DENND4C: variants seen among roughly 807,000 people sequenced by gnomAD.
The protein encoded by DENND4C is DENN domain-containing protein 4C.
A neutral mutation model predicts 203.0 loss-of-function variants in DENND4C; 108 were observed. The ratio of observed to expected loss-of-function variants is 0.53; its 90% CI spans 0.46 to 0.62. The LOEUF (loss-of-function observed/expected upper bound fraction) is 0.62, where lower values mean the gene tolerates loss of function less well. Ranked by LOEUF, DENND4C falls within the 20% of genes least tolerant of loss-of-function variation. The pLI, the probability that DENND4C is intolerant of heterozygous loss-of-function variation, is 0.00. For synonymous variants in DENND4C, 871 were observed against 792.4 expected (o/e 1.10, Z -1.67); for missense variants, 2,481 against 2,301.2 (o/e 1.08, Z -1.60).
intron 1 of DENND4C, among the ~76,000 whole-genome samples, chr9:19,236,134 T>A (rs979096599): frequency 2.0e-4 from 30 of 152,094 alleles, no homozygotes; most frequent in Non-Finnish European, 4.4e-5. Flanking sequence ...AATCTTTTTT[T>A]AAATTATGGA....
intron 31 of DENND4C, among the ~76,000 whole-genome samples, chr9:19,370,779 A>G (rs1828685034): frequency 1.3e-5 from 2 of 152,318 alleles, no homozygotes; most frequent in South Asian, 4.1e-4. Flanking sequence ...CCCCTCCTCA[A>G]CATAAGTGAA....
Position 19,333,035 on chromosome 9 carries a change from A to AAT in DENND4C, c.2460+863_2460+864dup, listed in dbSNP as rs1554637747. On this transcript the variant is annotated intron_variant, in intron 17 of 32. Transcript: ENST00000434457. ...AAAATATATTTTTTATTTATATTTA[A>AAT]ATATATATATATACTCGTGCCCAAG... Among the ~76,000 whole-genome samples, 237 of 150,116 alleles carry AAT rather than the reference A, an allele frequency of 1.6e-3. 5 individuals carry two copies. The East Asian group carries it at 0.031, about 20-fold the overall frequency.
Position 19,334,961 on chromosome 9 carries a change from T to A in DENND4C, c.2461-16T>A. ...TAGTATACTAATTACTGACACTGAT[T>A]TTTTTTTTTTGTTAGGTGTGCTATC... is the stretch of plus-strand genomic sequence containing the variant. On this transcript the variant is annotated splice_polypyrimidine_tract_variant and intron_variant, in intron 17 of 32. Coordinates refer to ENST00000434457, the MANE Select transcript of DENND4C (RefSeq NM_001330640.2). The A allele has an allele frequency of 2.0e-6, 3 of 1,489,022 alleles. No homozygotes were observed. Among genetic ancestry groups the A allele is most frequent in the Non-Finnish European group, 2.7e-6 (3 of 1,103,616 alleles). The allele number at this position is 1,489,022 out of a possible 1,614,324, so 92.2% of individuals were successfully genotyped here.
intron 1 of DENND4C, among the ~76,000 whole-genome samples, chr9:19,257,103 T>C (rs1445956842): frequency 6.7e-6 from 1 of 148,192 alleles, no homozygotes. Context: ...TTGATCCAGG[T>C]GAGGTTTCAG....
At chr9:19,326,510 G>A (rs1369617310) in intron 15 of DENND4C, among the ~76,000 whole-genome samples, 1 of 152,074 alleles carries the variant, frequency 6.6e-6, no homozygotes, top group African/African-American at 2.4e-5. Flanking sequence ...CAAAGACTGT[G>A]AAATTCTTAT....
intron 5 of DENND4C, among the ~76,000 whole-genome samples, chr9:19,295,570 G>T (rs144028363): frequency 7.0e-4 from 106 of 151,574 alleles, no homozygotes; most frequent in African/African-American, 2.0e-3. Flanking sequence ...AGCTACTCGG[G>T]AGGCTGAAGC....
chr9:19,261,569 C>G (rs1305518904), intron 1 of DENND4C, among the ~76,000 whole-genome samples: 1 of 151,102 alleles, frequency 6.6e-6, no homozygotes. Flanking sequence ...GTGGCACAAT[C>G]ACGGCTCACT....
chr9:19,322,315 A>G (rs1215760536), intron 12 of DENND4C, among the ~76,000 whole-genome samples: 1 of 152,160 alleles, frequency 6.6e-6, no homozygotes, highest in Admixed American at 6.5e-5. Flanking sequence ...ATTCCTCCAG[A>G]GCTGGGTTAT....
chr9:19,368,847 TTTAC>T (rs1828214174), intron 30 of DENND4C, among the ~76,000 whole-genome samples: 1 of 152,050 alleles, frequency 6.6e-6, no homozygotes, highest in Admixed American at 6.6e-5. Context: ...AAATACAATT[TTTAC>T]TTATTGATTA....
At position 19,347,032 on chromosome 9, in the gene DENND4C, A is replaced by T. The variant is rs780417551; in HGVS notation, c.4263A>T (p.Val1421=). 1.2e-6 allele frequency: 2 copies of T among 1,614,152 alleles called. No individual in the cohort carries two copies. Among genetic ancestry groups the T allele is most frequent in the South Asian group, 2.2e-5 (2 of 91,084 alleles). ...CTGGTATGAAACAAGCAGCGACAGT[A>T]GCCAGTAAGATGTGGGTAGCTGTTG... is the stretch of plus-strand genomic sequence containing the variant. ...LKSGMKQAAT[V]ASKMWVAVAS... Residue 1421 remains valine (V), a synonymous_variant, in exon 23 of 33, where the codon GTA becomes GTT. Coordinates refer to ENST00000434457, the MANE Select transcript of DENND4C (RefSeq NM_001330640.2).
At chr9:19,302,394 G>A (rs753598388) in intron 9 of DENND4C, among the ~76,000 whole-genome samples, 10 of 152,212 alleles carry the variant, frequency 6.6e-5, no homozygotes, top group Non-Finnish European at 8.8e-5. Context: ...TATTTTGCTA[G>A]CATATAGCTT....
At chr9:19,352,222 A>G in intron 25 of DENND4C, 40 bp downstream of exon 25, 2 of 1,550,148 alleles carry the variant, frequency 1.3e-6, no homozygotes, top group Non-Finnish European at 1.8e-6. Flanking sequence ...AGTAGCTGTA[A>G]GCATATTTTT....
At chr9:19,230,519 A>C (rs928387363), upstream of DENND4C, 2 of 152,472 alleles carry the variant, frequency 1.3e-5, no homozygotes, top group African/African-American at 4.8e-5. Flanking sequence ...GAACAGAAAC[A>C]TGGCGGTCAG....
intron 25 of DENND4C, 46 bp from the exon 26 acceptor site, chr9:19,352,444 T>C: frequency 6.7e-6 from 10 of 1,489,780 alleles, no homozygotes; most frequent in Non-Finnish European, 9.0e-6. Context: ...CTGTTAAGAT[T>C]AATTTTTATT....
chr9:19,297,310 A>C (rs1837669729), intron 6 of DENND4C, among the ~76,000 whole-genome samples: 1 of 152,192 alleles, frequency 6.6e-6, no homozygotes, highest in African/African-American at 2.4e-5. Flanking sequence ...ATCAACTTTA[A>C]AAAGAGTGAA....
At chr9:19,336,500 C>T in intron 19 of DENND4C, 86 bp downstream of exon 19, 1 of 1,483,256 alleles carries the variant, frequency 6.7e-7, no homozygotes, top group Non-Finnish European at 9.0e-7. Flanking sequence ...AAGTAGAAAA[C>T]TTAAATTCCG....
chr9:19,233,795 G>A (rs566612503), intron 1 of DENND4C, among the ~76,000 whole-genome samples: 1 of 152,240 alleles, frequency 6.6e-6, no homozygotes, highest in African/African-American at 2.4e-5. Flanking sequence ...GTTTCACTAT[G>A]TTGGCCAGGT....
chr9:19,338,114 T>G (rs527720142), intron 20 of DENND4C, among the ~76,000 whole-genome samples: 17 of 152,314 alleles, frequency 1.1e-4, no homozygotes, highest in African/African-American at 4.1e-4. Context: ...CAATCCTGTT[T>G]GTAATTAACT....
At chr9:19,256,348 T>A (rs1182722434) in intron 1 of DENND4C, among the ~76,000 whole-genome samples, 3 of 146,898 alleles carry the variant, frequency 2.0e-5, no homozygotes, top group Non-Finnish European at 4.5e-5. Flanking sequence ...TCGCTCTTGT[T>A]GCCCAGGCTG....
Sources: gnomAD v4.1 joint callset for allele counts (sites outside exome capture counted in the v4.1 genomes callset) on GRCh38, gnomAD v4.1.1 for gene constraint, MANE v1.5 for transcripts, NCBI Gene and HGNC (gene_info 2026-07-23, HGNC 2026-07-21) for gene names.